Variants in SGPP1 observed in about 807,000 individuals in gnomAD.
SGPP1 encodes sphingosine-1-phosphate phosphatase 1, also known as hSPP1.
A neutral mutation model predicts 33.0 loss-of-function variants in SGPP1; 21 were observed. The ratio of observed to expected loss-of-function variants is 0.64; its 90% confidence interval spans 0.45 to 0.92. The LOEUF (loss-of-function observed/expected upper bound fraction) is 0.92, where lower values mean the gene tolerates loss of function less well. SGPP1 is among the 40% of genes least tolerant of loss of function. The pLI is 0.00. For synonymous variants in SGPP1, 239 were observed against 241.2 expected (o/e 0.99, Z 0.08); for missense variants, 543 against 589.4 (o/e 0.92, Z 0.81).
At chr14:63,693,370 T>C (rs1034896902) in intron 2 of SGPP1, among the ~76,000 whole-genome samples, 2 of 152,246 alleles carry the variant, frequency 1.3e-5, no homozygotes, top group Admixed American at 6.5e-5. Flanking sequence ...CATAGGATTT[T>C]GGCTACAAAA....
intron 1 of SGPP1, among the ~76,000 whole-genome samples, chr14:63,698,876 T>C (rs961200260): frequency 6.6e-6 from 1 of 152,214 alleles, no homozygotes; most frequent in Non-Finnish European, 1.5e-5. Context: ...AAATCTCATG[T>C]GTCTAAATTC....
chr14:63,711,409 T>C (rs1286347090), intron 1 of SGPP1, among the ~76,000 whole-genome samples: 1 of 152,212 alleles, frequency 6.6e-6, no homozygotes, highest in Non-Finnish European at 1.5e-5. Flanking sequence ...CAATAGGATA[T>C]GTATATCTAC....
Position 63,727,829 on chromosome 14 carries a change from C to G in SGPP1, c.116G>C (p.Arg39Pro), listed in dbSNP as rs766263016. 1.3e-6 allele frequency: 2 copies of G among 1,510,182 alleles called. No homozygotes were observed. The highest frequency in any genetic ancestry group is 2.4e-5 in the South Asian group (2 of 82,132). 93.5% of individuals were successfully genotyped at this position (1,510,182 alleles called of 1,614,324 possible). A position where few individuals can be genotyped will look rare whatever the true frequency, so the allele number is the denominator to read the frequency against. ...VEAPPRRSAD[R>P]REDEKAEAPL... The stretch of plus-strand genomic sequence containing the variant: ...CGCCTCCGCTTTCTCATCCTCCCTC[C>G]GGTCTGCTGAGCGGCGCGGCGGCGC... The change falls in exon 1 of 3, where the codon CGG becomes CCG. Residue 39 changes from arginine (R) to proline (P), a missense_variant. Arg to Pro is a moderately radical substitution (Grantham distance 103, BLOSUM62 -2). Transcript: ENST00000247225.
chr14:63,718,991 TATATATATATATATATATATATA>T (rs1218645106), intron 1 of SGPP1, among the ~76,000 whole-genome samples: 76 of 18,550 alleles, frequency 4.1e-3, no homozygotes, highest in Non-Finnish European at 6.2e-3. Flanking sequence ...TATATATATA[TATATATATATATATATATATATA>T]TTTTTTTTTT....
intron 1 of SGPP1, among the ~76,000 whole-genome samples, chr14:63,711,882 T>C (rs1885530109): frequency 6.6e-6 from 1 of 151,854 alleles, no homozygotes; most frequent in Non-Finnish European, 1.5e-5. Flanking sequence ...ATATAAAACT[T>C]AGCTAGGCGT....
chr14:63,696,811 C>T (rs1885196429), intron 2 of SGPP1, among the ~76,000 whole-genome samples: 1 of 152,058 alleles, frequency 6.6e-6, no homozygotes, highest in Non-Finnish European at 1.5e-5. Context: ...CATGGTGAAA[C>T]CCTGTCTCTA....
At chr14:63,690,980 G>C (rs1366920683) in intron 2 of SGPP1, among the ~76,000 whole-genome samples, 1 of 152,152 alleles carries the variant, frequency 6.6e-6, no homozygotes, top group Non-Finnish European at 1.5e-5. Flanking sequence ...CTCCCAAAGT[G>C]CTGGGGTTAC....
Position 63,728,009 on chromosome 14 carries a change from T to C in SGPP1, c.-65A>G. On this transcript the variant is annotated 5_prime_UTR_variant, in exon 1 of 3. Transcript: ENST00000247225. ...CAGCCCCGAACTGTCCCCGCGCTCC[T>C]GGCCAGCGGCAGCGGAACCGGCACA... is the stretch of plus-strand genomic sequence containing the variant. The C allele has an allele frequency of 7.0e-7, 1 of 1,437,806 alleles. No homozygotes were observed. Among genetic ancestry groups the C allele is most frequent in the Non-Finnish European group, 9.1e-7 (1 of 1,100,208 alleles). 89.1% of individuals were successfully genotyped at this position (1,437,806 alleles called of 1,614,324 possible).
chr14:63,688,984 G>A (rs141574004), intron 2 of SGPP1, among the ~76,000 whole-genome samples: 1 of 152,242 alleles, frequency 6.6e-6, no homozygotes, highest in Non-Finnish European at 1.5e-5. Context: ...GTCTCCCAAA[G>A]TGCTGGGATT....
chr14:63,717,243 TAAAA>T (rs35499270), intron 1 of SGPP1, among the ~76,000 whole-genome samples: 2 of 129,702 alleles, frequency 1.5e-5, no homozygotes, highest in South Asian at 2.4e-4. Context: ...CAAAAATGCT[TAAAA>T]AAAAAAAAAA....
intron 2 of SGPP1, 32 bp from the exon 3 acceptor site, chr14:63,686,688 A>G (rs759917280): frequency 2.2e-6 from 3 of 1,392,188 alleles, no homozygotes; most frequent in Non-Finnish European, 2.9e-6. Context: ...GTTGTTTAGT[A>G]TAATACTGAA....
intron 1 of SGPP1, among the ~76,000 whole-genome samples, chr14:63,723,979 G>A (rs1010501340): frequency 1.3e-5 from 2 of 152,070 alleles, no homozygotes; most frequent in Non-Finnish European, 2.9e-5. Flanking sequence ...CCAGGCTCAA[G>A]TGATGCTCCC....
At chr14:63,687,367 G>A (rs1395269301) in intron 2 of SGPP1, among the ~76,000 whole-genome samples, 2 of 152,184 alleles carry the variant, frequency 1.3e-5, no homozygotes, top group Non-Finnish European at 2.9e-5. Context: ...TTGAACCCAG[G>A]AAGTGGAGGT....
At chr14:63,711,052 T>A (rs1303866526) in intron 1 of SGPP1, among the ~76,000 whole-genome samples, 2 of 151,388 alleles carry the variant, frequency 1.3e-5, no homozygotes, top group African/African-American at 2.4e-5. Flanking sequence ...TCACTCTTGC[T>A]GCCCAGGCTG....
intron 1 of SGPP1, among the ~76,000 whole-genome samples, chr14:63,723,454 C>T (rs1343645598): frequency 6.6e-6 from 1 of 152,154 alleles, no homozygotes; most frequent in East Asian, 1.9e-4. Context: ...GGTGCAGTGA[C>T]TCACGTCTGT....
At chr14:63,701,618 G>A (rs1885301117) in intron 1 of SGPP1, among the ~76,000 whole-genome samples, 1 of 152,080 alleles carries the variant, frequency 6.6e-6, no homozygotes, top group Non-Finnish European at 1.5e-5. Context: ...ATAGCAGAGA[G>A]AGCAAGTAGA....
chr14:63,686,775 A>G (rs1327715748), intron 2 of SGPP1, 119 bp from the exon 3 acceptor site: 2 of 715,116 alleles, frequency 2.8e-6, no homozygotes, highest in Non-Finnish European at 4.4e-6. Context: ...AAAGTTGTCA[A>G]ATTCTCAAAG....
rs1246476732 is a variant in SGPP1 at position 63,686,675 on chromosome 14, A to G, written c.775-19T>C. 2 of 1,534,944 alleles carry G rather than the reference A, an allele frequency of 1.3e-6. No individual in the cohort carries two copies. The highest frequency in any genetic ancestry group is 1.8e-6 in the Non-Finnish European group (2 of 1,123,162). The stretch of plus-strand genomic sequence containing the variant: ...TAATATCCTAGGAAAAGATAAAAGT[A>G]TCGTTGTTTAGTATAATACTGAATA... On this transcript the variant is annotated intron_variant, in intron 2 of 2. Transcript: ENST00000247225.
intron 2 of SGPP1, among the ~76,000 whole-genome samples, chr14:63,688,173 G>A (rs549794246): frequency 9.2e-5 from 14 of 151,378 alleles, no homozygotes; most frequent in African/African-American, 2.2e-4. Context: ...AAAATTAGCC[G>A]GGCATGGTGG....
Sources: allele counts gnomAD v4.1 joint callset (sites outside exome capture counted in the v4.1 genomes callset), GRCh38; gene constraint gnomAD v4.1.1; transcripts MANE v1.5; gene names NCBI Gene and HGNC (gene_info 2026-07-23, HGNC 2026-07-21).